SPATA6: variants seen among roughly 807,000 people sequenced by gnomAD.
SPATA6 encodes the protein spermatogenesis associated 6.
A neutral mutation model predicts 65.3 loss-of-function variants in SPATA6; 56 were observed. The observed-to-expected ratio is 0.86, with a 90% confidence interval of 0.69 to 1.07. SPATA6 has a LOEUF of 1.07. Ranked by LOEUF, SPATA6 falls within the 50% of genes least tolerant of loss-of-function variation. The pLI, the probability that SPATA6 is intolerant of heterozygous loss-of-function variation, is 0.00. For missense variants in SPATA6, 590 were observed against 594.8 expected (o/e 0.99, Z 0.08); for synonymous variants, 199 against 213.2 (o/e 0.93, Z 0.58).
At chr1:48,462,730 A>C (rs185927386) in intron 1 of SPATA6, among the ~76,000 whole-genome samples, 1 of 152,230 alleles carries the variant, frequency 6.6e-6, no homozygotes, top group Non-Finnish European at 1.5e-5. Flanking sequence ...AGGAAATAAC[A>C]AACATAATAA....
At chr1:48,413,524 G>A (rs1328512142) in intron 3 of SPATA6, among the ~76,000 whole-genome samples, 5 of 145,556 alleles carry the variant, frequency 3.4e-5, no homozygotes, top group African/African-American at 1.0e-4. Flanking sequence ...GGATGGTCTC[G>A]ATCTCCTGAC....
intron 11 of SPATA6, among the ~76,000 whole-genome samples, chr1:48,314,969 A>G (rs913321939): frequency 4.6e-5 from 7 of 152,228 alleles, no homozygotes; most frequent in Non-Finnish European, 8.8e-5. Flanking sequence ...CTTGACACAT[A>G]CACCCTCCCA....
At chr1:48,316,332 G>A (rs1645419074) in intron 11 of SPATA6, among the ~76,000 whole-genome samples, 1 of 152,144 alleles carries the variant, frequency 6.6e-6, no homozygotes, top group African/African-American at 2.4e-5. Flanking sequence ...TACCAAAACA[G>A]AGATATAGAC....
chr1:48,432,369 G>A (rs1194511423), intron 3 of SPATA6, among the ~76,000 whole-genome samples: 1 of 151,950 alleles, frequency 6.6e-6, no homozygotes, highest in African/African-American at 2.4e-5. Flanking sequence ...TCCAAACAAT[G>A]GGAGAAAACA....
At chr1:48,301,494 A>C (rs1224992380) in intron 12 of SPATA6, among the ~76,000 whole-genome samples, 1 of 151,868 alleles carries the variant, frequency 6.6e-6, no homozygotes, top group Non-Finnish European at 1.5e-5. Flanking sequence ...TCTACACAGC[A>C]ATAATAATAA....
At chr1:48,272,587 T>C in the SPATA6 span, among the ~76,000 whole-genome samples, 1 of 152,170 alleles carries the variant, frequency 6.6e-6, no homozygotes, top group Non-Finnish European at 1.5e-5. Context: ...CATTCATCCA[T>C]TGGTGGACAC....
chr1:48,346,995 C>A (rs903017128), intron 11 of SPATA6, among the ~76,000 whole-genome samples: 1 of 151,774 alleles, frequency 6.6e-6, no homozygotes, highest in Non-Finnish European at 1.5e-5. Context: ...CAAAAAGGAG[C>A]CTGAAGAGCC....
chr1:48,388,707 T>A (rs1030620899), intron 8 of SPATA6, among the ~76,000 whole-genome samples: 6 of 151,414 alleles, frequency 4.0e-5, no homozygotes, highest in Middle Eastern at 3.2e-3. Flanking sequence ...ACAAAATACA[T>A]TTGATTTTTT....
At chr1:48,323,482 G>C (rs545515379) in intron 11 of SPATA6, among the ~76,000 whole-genome samples, 1 of 152,088 alleles carries the variant, frequency 6.6e-6, no homozygotes, top group South Asian at 2.1e-4. Flanking sequence ...ATGAGTTGAT[G>C]GGTGCAGCAA....
chr1:48,365,174 C>T (rs1470972112), intron 9 of SPATA6, among the ~76,000 whole-genome samples: 2 of 152,186 alleles, frequency 1.3e-5, no homozygotes, highest in Admixed American at 6.5e-5. Context: ...GTTTTGGTAA[C>T]AGTACCATGC....
chr1:48,409,333 C>T (rs1437909656), intron 5 of SPATA6, among the ~76,000 whole-genome samples: 2 of 152,234 alleles, frequency 1.3e-5, no homozygotes, highest in East Asian at 3.9e-4. Flanking sequence ...ACAAGAGGTA[C>T]GTTCCCATGG....
At chr1:48,443,525 G>T (rs1655720296) in intron 3 of SPATA6, among the ~76,000 whole-genome samples, 1 of 152,144 alleles carries the variant, frequency 6.6e-6, no homozygotes, top group African/African-American at 2.4e-5. Flanking sequence ...TATCCAGTAA[G>T]GATACAATCC....
chr1:48,289,791 A>C, the SPATA6 span, among the ~76,000 whole-genome samples: 2 of 152,228 alleles, frequency 1.3e-5, no homozygotes, highest in Admixed American at 6.5e-5. Flanking sequence ...TGAGAAGAGA[A>C]GTTCAGAGAA....
intron 3 of SPATA6, among the ~76,000 whole-genome samples, chr1:48,429,656 T>C (rs1272052868): frequency 6.6e-6 from 1 of 152,000 alleles, no homozygotes; most frequent in Non-Finnish European, 1.5e-5. Flanking sequence ...AGAAACTACC[T>C]GTGGAAAAGA....
intron 1 of SPATA6, among the ~76,000 whole-genome samples, chr1:48,463,347 T>G (rs1657583473): frequency 6.6e-6 from 1 of 152,098 alleles, no homozygotes; most frequent in African/African-American, 2.4e-5. Flanking sequence ...TGTATGTGTA[T>G]AGGTAGGGGG....
chr1:48,376,586 T>C (rs1647936768), intron 9 of SPATA6, among the ~76,000 whole-genome samples: 1 of 151,886 alleles, frequency 6.6e-6, no homozygotes, highest in Non-Finnish European at 1.5e-5. Flanking sequence ...TTTAAATTAC[T>C]CTAGGTAGAG....
At chr1:48,281,739 C>T in the SPATA6 span, among the ~76,000 whole-genome samples, 9 of 151,842 alleles carry the variant, frequency 5.9e-5, no homozygotes, top group African/African-American at 1.7e-4. Flanking sequence ...GAATCAATAT[C>T]GTGAAAATGG....
At chr1:48,422,992 G>GT (rs1653491266) in intron 3 of SPATA6, among the ~76,000 whole-genome samples, 1 of 152,058 alleles carries the variant, frequency 6.6e-6, no homozygotes, top group Non-Finnish European at 1.5e-5. Flanking sequence ...CTCATACAAT[G>GT]TAATACTAAA....
At chr1:48,301,286 C>T (rs1398182056) in intron 12 of SPATA6, among the ~76,000 whole-genome samples, 1 of 147,568 alleles carries the variant, frequency 6.8e-6, no homozygotes, top group Non-Finnish European at 1.5e-5. Context: ...ATTTCCAATA[C>T]TAAAAGAAAA....
Sources: allele counts gnomAD v4.1 joint callset (sites outside exome capture counted in the v4.1 genomes callset), GRCh38; gene constraint gnomAD v4.1.1; transcripts MANE v1.5; gene names NCBI Gene and HGNC (gene_info 2026-07-23, HGNC 2026-07-21).